SLC24A3: variants seen among roughly 807,000 people sequenced by gnomAD.
SLC24A3 encodes the protein solute carrier family 24 member 3.
SLC24A3 carries 28 observed loss-of-function variants against 75.8 expected under a neutral mutation model. The ratio of observed to expected loss-of-function variants is 0.37; its 90% CI spans 0.27 to 0.51. SLC24A3 has a LOEUF of 0.51. Among genes scored for constraint, SLC24A3 ranks in the 20% least tolerant of loss-of-function variants. The pLI, the probability that SLC24A3 is intolerant of heterozygous loss-of-function variation, is 0.94. For missense variants in SLC24A3, 663 were observed against 847.8 expected (o/e 0.78, Z 2.71); for synonymous variants, 372 against 334.1 (o/e 1.11, Z -1.24).
intron 2 of SLC24A3, among the ~76,000 whole-genome samples, chr20:19,472,199 C>T (rs1217154390): frequency 6.6e-6 from 1 of 152,176 alleles, no homozygotes; most frequent in Non-Finnish European, 1.5e-5. Flanking sequence ...TAGCTTTCAA[C>T]ATATTTTTAA....
chr20:19,622,295 G>A (rs1353016470), intron 6 of SLC24A3, among the ~76,000 whole-genome samples: 1 of 152,198 alleles, frequency 6.6e-6, no homozygotes, highest in African/African-American at 2.4e-5. Context: ...GAATGAGCAT[G>A]GGGCTGTTAA....
chr20:19,415,574 C>T (rs1363227574), intron 2 of SLC24A3, among the ~76,000 whole-genome samples: 1 of 152,018 alleles, frequency 6.6e-6, no homozygotes, highest in Admixed American at 6.5e-5. Context: ...AAAACTAACT[C>T]TGGGCTCACC....
intron 6 of SLC24A3, among the ~76,000 whole-genome samples, chr20:19,643,037 T>G (rs1002804364): frequency 6.6e-6 from 1 of 152,180 alleles, no homozygotes; most frequent in African/African-American, 2.4e-5. Flanking sequence ...GTCACAGAAA[T>G]TACTTAAAAT....
intron 13 of SLC24A3, among the ~76,000 whole-genome samples, chr20:19,696,052 G>C (rs1360807629): frequency 1.8e-5 from 2 of 110,800 alleles, no homozygotes; most frequent in African/African-American, 7.0e-5. Context: ...GGGTCTCACT[G>C]TGTTGCCGAG....
chr20:19,510,064 G>T (rs551391222), intron 2 of SLC24A3, among the ~76,000 whole-genome samples: 1 of 152,222 alleles, frequency 6.6e-6, no homozygotes, highest in South Asian at 2.1e-4. Flanking sequence ...TAGCACGCAC[G>T]TAGGAGCTGA....
intron 2 of SLC24A3, among the ~76,000 whole-genome samples, chr20:19,490,975 G>A (rs953297173): frequency 1.3e-5 from 2 of 152,150 alleles, no homozygotes; most frequent in Non-Finnish European, 2.9e-5. Context: ...TCTTCTCAGC[G>A]AGCAGAAAGT....
Position 19,298,390 on chromosome 20 carries a change from T to A in SLC24A3, c.271+17303T>A, listed in dbSNP as rs377552968. 2.0e-5 allele frequency among the ~76,000 whole-genome samples: 3 copies of A among 152,218 alleles called. No homozygotes were observed. The East Asian group carries it at 5.8e-4, about 29-fold the overall frequency. ...GACACACAAGTTGATTTGGGGTGGATAACTTGAGATGCATAAATGACATGT... is the reference window on the plus strand; with the variant it reads ...GACACACAAGTTGATTTGGGGTGGAAAACTTGAGATGCATAAATGACATGT... On this transcript the variant is annotated intron_variant, in intron 2 of 16. Coordinates refer to ENST00000328041, the MANE Select transcript of SLC24A3 (RefSeq NM_020689.4).
chr20:19,589,683 A>G (rs967042322), intron 6 of SLC24A3, among the ~76,000 whole-genome samples: 4 of 152,172 alleles, frequency 2.6e-5, no homozygotes, highest in African/African-American at 9.7e-5. Context: ...GCATTTAAAG[A>G]ATTTTCTCTA....
At chr20:19,322,073 G>A (rs988945735) in intron 2 of SLC24A3, among the ~76,000 whole-genome samples, 4 of 152,034 alleles carry the variant, frequency 2.6e-5, no homozygotes, top group African/African-American at 4.8e-5. Context: ...GGAGCCACAC[G>A]ATGTCAATAT....
At chr20:19,536,554 G>C (rs1395692837) in intron 3 of SLC24A3, among the ~76,000 whole-genome samples, 1 of 152,162 alleles carries the variant, frequency 6.6e-6, no homozygotes, top group African/African-American at 2.4e-5. Flanking sequence ...CCAAAAAAGA[G>C]TCCGCATTGC....
At chr20:19,530,128 C>T (rs576226931) in intron 3 of SLC24A3, among the ~76,000 whole-genome samples, 1 of 151,948 alleles carries the variant, frequency 6.6e-6, no homozygotes, top group African/African-American at 2.4e-5. Flanking sequence ...TAAAAAGCTC[C>T]TCTGTGAATG....
chr20:19,545,004 A>G (rs1229673642), intron 3 of SLC24A3, among the ~76,000 whole-genome samples: 2 of 152,382 alleles, frequency 1.3e-5, no homozygotes, highest in South Asian at 2.1e-4. Flanking sequence ...TTAAGGAAGA[A>G]TAAGGCTATA....
At chr20:19,713,610 G>A (rs1311501561) in intron 15 of SLC24A3, among the ~76,000 whole-genome samples, 3 of 152,092 alleles carry the variant, frequency 2.0e-5, no homozygotes, top group Admixed American at 1.3e-4. Flanking sequence ...AAAGTCAGAC[G>A]TGGTTCCTAC....
intron 1 of SLC24A3, among the ~76,000 whole-genome samples, chr20:19,216,956 C>G (rs1334055385): frequency 6.6e-6 from 1 of 152,176 alleles, no homozygotes; most frequent in Non-Finnish European, 1.5e-5. Context: ...GAAGCAACAC[C>G]TCTCCCATGC....
chr20:19,606,624 A>C (rs1052469817), intron 6 of SLC24A3, among the ~76,000 whole-genome samples: 1 of 152,208 alleles, frequency 6.6e-6, no homozygotes, highest in Non-Finnish European at 1.5e-5. Flanking sequence ...AATAGGAAGC[A>C]TTTGTGAATC....
intron 3 of SLC24A3, among the ~76,000 whole-genome samples, chr20:19,517,914 C>A (rs2030027150): frequency 6.6e-6 from 1 of 152,222 alleles, no homozygotes; most frequent in Non-Finnish European, 1.5e-5. Flanking sequence ...GTGCCATCCC[C>A]AAGGCCCAAG....
intron 10 of SLC24A3, among the ~76,000 whole-genome samples, chr20:19,683,549 T>C (rs2032638301): frequency 6.6e-6 from 1 of 152,230 alleles, no homozygotes; most frequent in African/African-American, 2.4e-5. Flanking sequence ...GCTCATAGAC[T>C]GGGCTGAGGG....
intron 2 of SLC24A3, among the ~76,000 whole-genome samples, chr20:19,376,972 C>T (rs1201126746): frequency 1.3e-5 from 2 of 152,298 alleles, no homozygotes; most frequent in East Asian, 3.9e-4. Flanking sequence ...TCAGTGTTAG[C>T]AGAGGAAATG....
At chr20:19,422,367 G>T (rs1986931475) in intron 2 of SLC24A3, among the ~76,000 whole-genome samples, 1 of 152,158 alleles carries the variant, frequency 6.6e-6, no homozygotes, top group Non-Finnish European at 1.5e-5. Context: ...CAAGCAGGTA[G>T]TGACACAGGT....
Sources: gnomAD v4.1 joint callset for allele counts (sites outside exome capture counted in the v4.1 genomes callset) on GRCh38, gnomAD v4.1.1 for gene constraint, MANE v1.5 for transcripts, NCBI Gene and HGNC (gene_info 2026-07-23, HGNC 2026-07-21) for gene names.